Variants in VSTM2A observed in about 807,000 individuals in gnomAD.
VSTM2A encodes the protein V-set and transmembrane domain-containing protein 2A.
A neutral mutation model predicts 27.3 loss-of-function variants in VSTM2A; 13 were observed. That is an observed-to-expected ratio of 0.48 (90% CI 0.31 to 0.76). The LOEUF (loss-of-function observed/expected upper bound fraction) is 0.76, where lower values mean the gene tolerates loss of function less well. VSTM2A is among the 30% of genes least tolerant of loss of function. The pLI, the probability that VSTM2A is intolerant of heterozygous loss-of-function variation, is 0.05. For synonymous variants in VSTM2A, 142 were observed against 125.7 expected (o/e 1.13, Z -0.87); for missense variants, 280 against 310.0 (o/e 0.90, Z 0.73).
rs1788870591 is a variant in VSTM2A, at chr7:54,570,791, C to T, written c.*1572C>T. On this transcript the variant is annotated 3_prime_UTR_variant, in exon 5 of 5. Coordinates refer to ENST00000402613, the MANE Select transcript of VSTM2A (RefSeq NM_001301009.2). Reference sequence around the variant, plus strand: ...CCAGAGAGACTCTTCCATTTTCTCTCATTACAAAACCAGAAGATCAGCTAT... The same window carrying T: ...CCAGAGAGACTCTTCCATTTTCTCTTATTACAAAACCAGAAGATCAGCTAT... 1 of 152,158 alleles carries T rather than the reference C, an allele frequency of 6.6e-6. No individual in the cohort carries two copies. The highest frequency in any genetic ancestry group is 2.4e-5 in the African/African-American group (1 of 41,440). The allele number at this position is 152,158 out of a possible 1,614,324, so 9.4% of individuals were successfully genotyped here.
chr7:54,564,685 T>C (rs4947917), intron 4 of VSTM2A, among the ~76,000 whole-genome samples: 7,137 of 152,166 alleles, frequency 0.047, 429 homozygotes, highest in African/African-American at 0.13. Context: ...CTTTGACCCA[T>C]CAATGTAAAC....
intron 4 of VSTM2A, among the ~76,000 whole-genome samples, chr7:54,561,735 G>A (rs1282203498): frequency 6.6e-6 from 1 of 152,056 alleles, no homozygotes; most frequent in Admixed American, 6.6e-5. Flanking sequence ...AAAGGGTAAG[G>A]CCACTGGCTC....
chr7:54,542,956 T>A (rs1787833093), intron 1 of VSTM2A, 147 bp downstream of exon 1: 1 of 744,032 alleles, frequency 1.3e-6, no homozygotes. Flanking sequence ...TTTGACGATT[T>A]TTTTTAAAGT....
At chr7:54,554,205 T>A in intron 4 of VSTM2A, 1 of 1,392,768 alleles carries the variant, frequency 7.2e-7, no homozygotes, top group Non-Finnish European at 9.6e-7. Context: ...CGATCACTCC[T>A]TCCTGACACT....
chr7:54,569,340 T>C lies in VSTM2A; in HGVS notation c.*121T>C. On this transcript the variant is annotated 3_prime_UTR_variant, in exon 5 of 5. Coordinates refer to ENST00000402613, the MANE Select transcript of VSTM2A (RefSeq NM_001301009.2). ...TTATTTTAAGAGAATTAACGTGAAGTGATAGAACGTTTTCTAATAGCAAGA... is the reference window on the plus strand; with the variant it reads ...TTATTTTAAGAGAATTAACGTGAAGCGATAGAACGTTTTCTAATAGCAAGA... 1 of 1,464,574 alleles carries C rather than the reference T, an allele frequency of 6.8e-7. No individual in the cohort carries two copies. Among genetic ancestry groups the C allele is most frequent in the Non-Finnish European group, 9.1e-7 (1 of 1,099,924 alleles). The allele number at this position is 1,464,574 out of a possible 1,614,324, so 90.7% of individuals were successfully genotyped here.
chr7:54,554,299 A>G (rs1243846864), intron 4 of VSTM2A, among the ~76,000 whole-genome samples: 1 of 151,964 alleles, frequency 6.6e-6, no homozygotes, highest in East Asian at 1.9e-4. Flanking sequence ...CTCCTCCCCA[A>G]CTAAATTCCT....
chr7:54,563,782 CT>C (rs1788635869), intron 4 of VSTM2A, among the ~76,000 whole-genome samples: 1 of 152,214 alleles, frequency 6.6e-6, no homozygotes, highest in African/African-American at 2.4e-5. Flanking sequence ...ATTTAAACAG[CT>C]GCTACCAGCA....
chr7:54,556,752 A>G (rs1788373703), intron 4 of VSTM2A, among the ~76,000 whole-genome samples: 1 of 152,232 alleles, frequency 6.6e-6, no homozygotes, highest in African/African-American at 2.4e-5. Flanking sequence ...TTAAGAGTCT[A>G]TACTGGTTAA....
chr7:54,559,462 A>T (rs1249369517), intron 4 of VSTM2A: 1 of 152,140 alleles, frequency 6.6e-6, no homozygotes, highest in African/African-American at 2.4e-5. Flanking sequence ...TGATAGGTAT[A>T]ATCTTGGCAA....
chr7:54,549,890 G>A lies in VSTM2A; in HGVS notation c.354G>A (p.Arg118=), dbSNP rs868057963. Reference sequence around the variant, plus strand: ...ACAAGCTTCAGATTTCCAAAGTGAGGAAAAAGGATGAAGGCTTATATGAGT... The same window carrying A: ...ACAAGCTTCAGATTTCCAAAGTGAGAAAAAAGGATGAAGGCTTATATGAGT... ...ISHKLQISKV[R]KKDEGLYECR... The change falls in exon 4 of 5, where the codon AGG becomes AGA. Residue 118 remains arginine, a synonymous_variant. Transcript: ENST00000402613. 6.2e-7 allele frequency: 1 copy of A among 1,612,648 alleles called. No individual in the cohort carries two copies. Among genetic ancestry groups the A allele is most frequent in the Non-Finnish European group, 8.5e-7 (1 of 1,179,382 alleles).
intron 4 of VSTM2A, among the ~76,000 whole-genome samples, chr7:54,567,767 T>C (rs1317174423): frequency 1.3e-5 from 2 of 151,572 alleles, no homozygotes; most frequent in Non-Finnish European, 1.5e-5. Flanking sequence ...TTTTCTTTCT[T>C]TTTTTTTTCA....
Position 54,549,924 on chromosome 7 carries a change from A to G in VSTM2A, c.388A>G (p.Thr130Ala), listed in dbSNP as rs754070005. The G allele has an allele frequency of 6.2e-7, 1 of 1,613,920 alleles. No individual in the cohort carries two copies. The highest frequency in any genetic ancestry group is 1.7e-5 in the Admixed American group (1 of 60,018). ...TGAAGGCTTATATGAGTGCAGGGTGACTGATGCCAACTACGGGGAGCTTCA... is the reference window on the plus strand; with the variant it reads ...TGAAGGCTTATATGAGTGCAGGGTGGCTGATGCCAACTACGGGGAGCTTCA... The part of the protein sequence containing the change: ...KDEGLYECRV[T>A]DANYGELQEH... The change falls in exon 4 of 5, where the codon ACT becomes GCT. Residue 130 changes from threonine (T) to alanine (A), a missense_variant. By Grantham distance (58) the Thr-to-Ala change is moderately conservative (BLOSUM62 0). Coordinates refer to ENST00000402613, the MANE Select transcript of VSTM2A (RefSeq NM_001301009.2).
chr7:54,559,952 G>T (rs1024045262), intron 4 of VSTM2A: 1 of 151,812 alleles, frequency 6.6e-6, no homozygotes, highest in African/African-American at 2.4e-5. Context: ...AAGAAAAAAA[G>T]AAAATGTACA....
intron 4 of VSTM2A, chr7:54,554,219 A>G (rs1584055154): frequency 1.5e-6 from 2 of 1,344,686 alleles, no homozygotes; most frequent in Non-Finnish European, 2.0e-6. Context: ...TGACACTCTT[A>G]CCTCTCTTCT....
chr7:54,546,821 CT>C, intron 2 of VSTM2A, 125 bp from the exon 3 acceptor site: 1 of 1,322,464 alleles, frequency 7.6e-7, no homozygotes, highest in South Asian at 1.4e-5. Context: ...GGCCACGCCC[CT>C]GGTCGCTCCC....
In VSTM2A at chr7:54,569,931, C is replaced by T. The variant is rs1584073761; in HGVS notation, c.*712C>T. 1 of 152,050 alleles carries T rather than the reference C, an allele frequency of 6.6e-6. No individual in the cohort carries two copies. The highest frequency in any genetic ancestry group is 1.5e-5 in the Non-Finnish European group (1 of 68,014). 9.4% of individuals were successfully genotyped at this position (152,050 alleles called of 1,614,324 possible). A position where few individuals can be genotyped will look rare whatever the true frequency, so the allele number is the denominator to read the frequency against. ...TTATCATTATATATATAAATATATA[C>T]TTAAGAATATCTGTGTGTTGGGCCA... On this transcript the variant is annotated 3_prime_UTR_variant, in exon 5 of 5. Transcript: ENST00000402613.
chr7:54,560,391 T>A (rs1000104547), intron 4 of VSTM2A, among the ~76,000 whole-genome samples: 1 of 152,166 alleles, frequency 6.6e-6, no homozygotes, highest in African/African-American at 2.4e-5. Context: ...ATAGGTGTGA[T>A]CTTGATGAAT....
chr7:54,546,680 CCGGGACAGCG>C lies in VSTM2A; in HGVS notation c.247-265_247-256del, dbSNP rs1787999486. The C allele has an allele frequency of 9.1e-5, 24 of 264,270 alleles. No individual in the cohort carries two copies. In the South Asian group the frequency reaches 1.5e-3, roughly 16 times the overall value. The allele number at this position is 264,270 out of a possible 1,614,324, so 16.4% of individuals were successfully genotyped here. A position where few individuals can be genotyped will look rare whatever the true frequency, so the allele number is the denominator to read the frequency against. ...CAGCATCCGCGCGGCAGGGACAGCGCCGGGACAGCGCCGGGACAGCCCCGGGACAGCCCCG... is the reference window on the plus strand; with the variant it reads ...CAGCATCCGCGCGGCAGGGACAGCGCCCGGGACAGCCCCGGGACAGCCCCG... On this transcript the variant is annotated intron_variant, in intron 2 of 4. Transcript: ENST00000402613.
At chr7:54,563,127 A>C (rs1788613298) in intron 4 of VSTM2A, among the ~76,000 whole-genome samples, 1 of 152,204 alleles carries the variant, frequency 6.6e-6, no homozygotes, top group Non-Finnish European at 1.5e-5. Flanking sequence ...GATTTTGCCA[A>C]AGCCATTCAT....
Sources: gnomAD v4.1 joint callset for allele counts (sites outside exome capture counted in the v4.1 genomes callset) on GRCh38, gnomAD v4.1.1 for gene constraint, MANE v1.5 for transcripts, NCBI Gene and HGNC (gene_info 2026-07-23, HGNC 2026-07-21) for gene names.